TAFA2: variants seen among roughly 807,000 people sequenced by gnomAD.
TAFA2 encodes TAFA chemokine like family member 2.
In TAFA2, 7 loss-of-function variants were observed where a neutral mutation model predicts 18.8. The observed-to-expected ratio is 0.37, with a 90% CI of 0.21 to 0.70. The LOEUF (loss-of-function observed/expected upper bound fraction) is 0.70. Among genes scored for constraint, TAFA2 ranks in the 30% least tolerant of loss-of-function variants. TAFA2 has a pLI of 0.53. For synonymous variants in TAFA2, 60 were observed against 54.2 expected, an observed-to-expected ratio of 1.11 and a Z score of -0.47; for missense variants, 122 against 158.1, an observed-to-expected ratio of 0.77 and a Z score of 1.23.
chr12:62,193,028 C>T (rs936233976), upstream of TAFA2, among the ~76,000 whole-genome samples: 1 of 152,178 alleles, frequency 6.6e-6, no homozygotes. Flanking sequence ...TAAGCAAAGC[C>T]CTTGCTAAAG....
chr12:61,715,788 G>T (rs1361183555), intron 4 of TAFA2, among the ~76,000 whole-genome samples: 1 of 151,686 alleles, frequency 6.6e-6, no homozygotes, highest in East Asian at 1.9e-4. Context: ...TCGTGATGGT[G>T]CACACCTCTA....
At chr12:62,031,090 G>A (rs969554681) in intron 1 of TAFA2, among the ~76,000 whole-genome samples, 1 of 152,098 alleles carries the variant, frequency 6.6e-6, no homozygotes, top group Non-Finnish European at 1.5e-5. Flanking sequence ...AGGAGTCGTG[G>A]ACTGTGTGAT....
At chr12:61,964,585 C>T (rs1351603733) in intron 1 of TAFA2, among the ~76,000 whole-genome samples, 2 of 151,846 alleles carry the variant, frequency 1.3e-5, no homozygotes, top group Non-Finnish European at 2.9e-5. Context: ...TATGACATCA[C>T]CACATACTCA....
At chr12:61,752,168 T>G (rs1388531411) in intron 4 of TAFA2, among the ~76,000 whole-genome samples, 1 of 151,980 alleles carries the variant, frequency 6.6e-6, no homozygotes. Flanking sequence ...AATAACACTA[T>G]CTTCTCCACT....
chr12:61,875,595 C>A (rs956692920), intron 1 of TAFA2, among the ~76,000 whole-genome samples: 14 of 152,032 alleles, frequency 9.2e-5, no homozygotes, highest in Non-Finnish European at 4.4e-5. Flanking sequence ...GAAAATAAAT[C>A]TAATTTTTGC....
At chr12:61,927,380 G>T (rs890274011) in intron 1 of TAFA2, among the ~76,000 whole-genome samples, 16 of 152,220 alleles carry the variant, frequency 1.1e-4, no homozygotes, top group African/African-American at 3.4e-4. Context: ...CAGATAAACA[G>T]AGAGCCAAAT....
chr12:62,002,459 T>G (rs146816193), intron 1 of TAFA2, among the ~76,000 whole-genome samples: 44 of 152,264 alleles, frequency 2.9e-4, no homozygotes, highest in African/African-American at 9.1e-4. Flanking sequence ...AGGTGCACTC[T>G]TTGCTTCTCA....
chr12:61,999,493 A>G (rs1880309255), intron 1 of TAFA2, among the ~76,000 whole-genome samples: 1 of 152,194 alleles, frequency 6.6e-6, no homozygotes, highest in South Asian at 2.1e-4. Context: ...CTAAAATTCA[A>G]GATTAGGCCA....
chr12:62,234,746 C>T, intron 1 of TAFA2: 1 of 1,102,040 alleles, frequency 9.1e-7, no homozygotes, highest in Non-Finnish European at 1.4e-6. Flanking sequence ...TTTCCTGAGG[C>T]CTGGAGTTCT....
At chr12:61,733,203 T>C (rs1166806408) in intron 4 of TAFA2, among the ~76,000 whole-genome samples, 1 of 152,122 alleles carries the variant, frequency 6.6e-6, no homozygotes, top group Non-Finnish European at 1.5e-5. Context: ...TTGTGAAAAT[T>C]TTCTCCCATT....
chr12:62,044,536 T>C (rs1881857434), intron 1 of TAFA2, among the ~76,000 whole-genome samples: 1 of 152,102 alleles, frequency 6.6e-6, no homozygotes. Flanking sequence ...GGTGTCAGCG[T>C]GGCACAGACC....
At chr12:62,024,643 A>C (rs1881255790) in intron 1 of TAFA2, among the ~76,000 whole-genome samples, 1 of 152,212 alleles carries the variant, frequency 6.6e-6, no homozygotes, top group Non-Finnish European at 1.5e-5. Flanking sequence ...GCTTCTGCAC[A>C]GTATAAGAAA....
chr12:62,153,668 C>CA (rs58786792), intron 1 of TAFA2, among the ~76,000 whole-genome samples: 7,417 of 140,690 alleles, frequency 0.053, 414 homozygotes, highest in African/African-American at 0.14. Flanking sequence ...GACCTTGTCT[C>CA]AAAAAAAAAA....
chr12:62,029,538 G>T (rs1481284800), intron 1 of TAFA2, among the ~76,000 whole-genome samples: 1 of 152,088 alleles, frequency 6.6e-6, no homozygotes, highest in Non-Finnish European at 1.5e-5. Context: ...AACTTAAACT[G>T]ATGTGATAAG....
chr12:62,010,117 C>T (rs996740836), intron 1 of TAFA2, among the ~76,000 whole-genome samples: 3 of 152,084 alleles, frequency 2.0e-5, no homozygotes, highest in Non-Finnish European at 4.4e-5. Flanking sequence ...TACACAAAAA[C>T]ACTAATTTGA....
chr12:62,100,721 T>A (rs1869159944), intron 1 of TAFA2, among the ~76,000 whole-genome samples: 2 of 152,332 alleles, frequency 1.3e-5, no homozygotes, highest in South Asian at 4.1e-4. Flanking sequence ...GACTCACTAA[T>A]CTCATAAGCA....
chr12:61,864,788 A>C (rs1275294774), intron 2 of TAFA2, among the ~76,000 whole-genome samples: 1 of 151,590 alleles, frequency 6.6e-6, no homozygotes, highest in Non-Finnish European at 1.5e-5. Context: ...AAAAAAAAAA[A>C]AAAAAAGTAC....
intron 1 of TAFA2, among the ~76,000 whole-genome samples, chr12:62,165,582 G>C (rs192185011): frequency 6.6e-6 from 1 of 152,140 alleles, no homozygotes; most frequent in East Asian, 1.9e-4. Context: ...TCCCTCAAAA[G>C]TAGCTCAAAA....
intron 2 of TAFA2, among the ~76,000 whole-genome samples, chr12:61,864,627 G>T (rs974956560): frequency 4.0e-5 from 6 of 151,540 alleles, no homozygotes; most frequent in Non-Finnish European, 8.8e-5. Context: ...CAAAAAATTA[G>T]TCGGGCGTGG....
Sources: gnomAD v4.1 joint callset for allele counts (sites outside exome capture counted in the v4.1 genomes callset) on GRCh38, gnomAD v4.1.1 for gene constraint, MANE v1.5 for transcripts, NCBI Gene and HGNC (gene_info 2026-07-23, HGNC 2026-07-21) for gene names.